Variants in COL4A5 observed in about 807,000 individuals in gnomAD.
The protein encoded by COL4A5 is collagen type IV alpha 5 chain, also known as collagen alpha-5(IV) chain.
COL4A5 carries 26 observed loss-of-function variants against 130.2 expected under a neutral mutation model. That is an observed-to-expected ratio of 0.20 (90% CI 0.15 to 0.28). The LOEUF is 0.28. Among genes scored for constraint, COL4A5 ranks in the 10% least tolerant of loss-of-function variants. COL4A5 has a pLI of 1.00. For synonymous variants in COL4A5, 496 were observed against 439.6 expected (o/e 1.13, Z -1.60); for missense variants, 1,131 against 1,344.3 (o/e 0.84, Z 2.48).
At chrX:108,629,696 G>A (rs2067217084) in intron 36 of COL4A5, among the ~76,000 whole-genome samples, 1 of 110,698 alleles carries the variant, frequency 9.0e-6, no homozygotes, top group Admixed American at 9.6e-5. Flanking sequence ...TAAGTTCCAG[G>A]GTACATGTGC....
intron 1 of COL4A5, among the ~76,000 whole-genome samples, chrX:108,516,028 C>T (rs1347066712): frequency 8.9e-6 from 1 of 111,972 alleles, no homozygotes; most frequent in East Asian, 2.8e-4. Flanking sequence ...GGTAGCAGAG[C>T]TTCTTCTTTG....
Position 108,696,375 on chromosome X carries a change from A to G in COL4A5, c.5073A>G (p.Thr1691=). 2.5e-6 allele frequency: 3 copies of G among 1,199,363 alleles called. No individual in the cohort carries two copies. Among genetic ancestry groups the G allele is most frequent in the African/African-American group, 1.7e-5 (1 of 57,601 alleles). ...ISRCQVCMKR[T] Reference sequence around the variant, plus strand: ...GATGTCAAGTGTGCATGAAGAGGACATAACATTTTGAAGAATTCCTTTTGT... The same window carrying G: ...GATGTCAAGTGTGCATGAAGAGGACGTAACATTTTGAAGAATTCCTTTTGT... The change falls in exon 53 of 53, where the codon ACA becomes ACG. Residue 1691 remains threonine (T), a synonymous_variant. Coordinates refer to ENST00000328300, the MANE Select transcript of COL4A5 (RefSeq NM_033380.3).
intron 1 of COL4A5, among the ~76,000 whole-genome samples, chrX:108,477,011 T>A (rs1162298409): frequency 1.8e-5 from 2 of 111,679 alleles, no homozygotes; most frequent in Non-Finnish European, 3.8e-5. Context: ...GAGAAAGATG[T>A]AGGCTGGGAG....
At chrX:108,692,115 G>T (rs2068647845) in intron 49 of COL4A5, among the ~76,000 whole-genome samples, 1 of 112,032 alleles carries the variant, frequency 8.9e-6, no homozygotes, top group Non-Finnish European at 1.9e-5. Flanking sequence ...GAGTAAATGA[G>T]AAAAGAAAGG....
chrX:108,622,905 A>T, intron 33 of COL4A5, 80 bp downstream of exon 33: 1 of 953,858 alleles, frequency 1.0e-6, no homozygotes, highest in Admixed American at 2.9e-5. Flanking sequence ...AAAGTGACTT[A>T]TAATACAGAA....
At chrX:108,494,298 T>C (rs2065016683) in intron 1 of COL4A5, among the ~76,000 whole-genome samples, 1 of 111,275 alleles carries the variant, frequency 9.0e-6, no homozygotes. Flanking sequence ...GATTTTCTTG[T>C]AGGTCAGCAT....
chrX:108,618,617 A>G (rs1243377797), intron 30 of COL4A5, among the ~76,000 whole-genome samples: 1 of 111,807 alleles, frequency 8.9e-6, no homozygotes, highest in Non-Finnish European at 1.9e-5. Flanking sequence ...AATGCCTAAA[A>G]TAAGTTTTTT....
Position 108,668,517 on chromosome X carries a change from G to A in COL4A5, c.3790+13G>A, listed in dbSNP as rs1331493023. The A allele has an allele frequency of 2.6e-6, 3 of 1,141,382 alleles. No individual in the cohort carries two copies. The highest frequency in any genetic ancestry group is 3.5e-6 in the Non-Finnish European group (3 of 860,016). 94.1% of individuals were successfully genotyped at this position (1,141,382 alleles called of 1,213,427 possible). ...CCTGGGAGACCAGGTATGTCCGTGA[G>A]TGGTAGGAGAATGGTCTATTTATTA... On this transcript the variant is annotated intron_variant, in intron 41 of 52. Coordinates refer to ENST00000328300, the MANE Select transcript of COL4A5 (RefSeq NM_033380.3).
In COL4A5 at chrX:108,692,839, C is replaced by T; in HGVS notation, c.4620C>T (p.Asp1540=). 1 of 1,211,006 alleles carries T rather than the reference C, an allele frequency of 8.3e-7. No individual in the cohort carries two copies. Among genetic ancestry groups the T allele is most frequent in the Non-Finnish European group, 1.1e-6 (1 of 894,905 alleles). ...NNVCNFASRN[D]YSYWLSTPEP... is the part of the protein sequence containing the mutation. ...TTTGCAACTTTGCTTCAAGAAATGA[C>T]TATTCTTACTGGCTCTCTACCCCAG... is the stretch of plus-strand genomic sequence containing the variant. Residue 1540 remains aspartate (D), a synonymous_variant, in exon 50 of 53, where the codon GAC becomes GAT. Coordinates refer to ENST00000328300, the MANE Select transcript of COL4A5 (RefSeq NM_033380.3).
intron 1 of COL4A5, among the ~76,000 whole-genome samples, chrX:108,529,860 C>T (rs753872846): frequency 1.4e-4 from 15 of 110,358 alleles, no homozygotes; most frequent in East Asian, 2.8e-4. Flanking sequence ...CAAGAAGATA[C>T]GACAACTCCA....
chrX:108,494,192 A>G (rs752477218), intron 1 of COL4A5, among the ~76,000 whole-genome samples: 4 of 111,591 alleles, frequency 3.6e-5, no homozygotes, highest in Non-Finnish European at 7.6e-5. Flanking sequence ...CAGATCTAGC[A>G]TTATTGAGAC....
chrX:108,584,347 A>T, intron 17 of COL4A5, 137 bp from the exon 18 acceptor site: 8 of 538,073 alleles, frequency 1.5e-5, no homozygotes, highest in Non-Finnish European at 2.2e-5. Context: ...TTGTTTCATT[A>T]CTTCATGTTG....
At chrX:108,459,539 C>T (rs531437094) in intron 1 of COL4A5, among the ~76,000 whole-genome samples, 56 of 112,185 alleles carry the variant, frequency 5.0e-4, no homozygotes, top group Non-Finnish European at 9.8e-4. Flanking sequence ...CATTTTTGAA[C>T]GTATTTGCAC....
At chrX:108,511,716 T>C (rs1010285489) in intron 1 of COL4A5, among the ~76,000 whole-genome samples, 1 of 112,055 alleles carries the variant, frequency 8.9e-6, no homozygotes, top group Non-Finnish European at 1.9e-5. Context: ...AAAGAAAATA[T>C]TCTTCAACAA....
chrX:108,590,324 G>A (rs888334447), intron 19 of COL4A5, among the ~76,000 whole-genome samples: 3 of 111,068 alleles, frequency 2.7e-5, no homozygotes, highest in Non-Finnish European at 5.7e-5. Flanking sequence ...CTTCACAATA[G>A]TAATAGTATT....
At chrX:108,674,820 A>AAATGCAAT in intron 43 of COL4A5, 67 bp downstream of exon 43, 1 of 1,086,938 alleles carries the variant, frequency 9.2e-7, no homozygotes, top group Non-Finnish European at 1.2e-6. Flanking sequence ...GTGATAAGAG[A>AAATGCAAT]AATGCAATTT....
Position 108,578,244 on chromosome X carries a change from T to C in COL4A5, c.688-47T>C, listed in dbSNP as rs182209791. On this transcript the variant is annotated intron_variant, in intron 12 of 52. Transcript: ENST00000328300. The stretch of plus-strand genomic sequence containing the variant: ...ATCTTACATGTTATATTACTGTCTG[T>C]GGAGATTATGAAGTATCACCACTGT... 78 of 1,135,613 alleles carry C rather than the reference T, an allele frequency of 6.9e-5. 1 individual carries two copies. The African/African-American group carries it at 1.3e-3, about 19-fold the overall frequency. 93.6% of individuals were successfully genotyped at this position (1,135,613 alleles called of 1,213,427 possible).
At chrX:108,556,309 T>A (rs772886308) in intron 2 of COL4A5, among the ~76,000 whole-genome samples, 24 of 111,823 alleles carry the variant, frequency 2.1e-4, no homozygotes, top group African/African-American at 6.8e-4. Flanking sequence ...AAACACTAAA[T>A]ACATGTTAGC....
intron 37 of COL4A5, among the ~76,000 whole-genome samples, chrX:108,661,881 G>A (rs1022753954): frequency 9.1e-6 from 1 of 109,346 alleles, no homozygotes; most frequent in Non-Finnish European, 1.9e-5. Context: ...GGTTTTCTGG[G>A]GTAATTTTAT....
Sources: gnomAD v4.1 joint callset for allele counts (sites outside exome capture counted in the v4.1 genomes callset) on GRCh38, gnomAD v4.1.1 for gene constraint, MANE v1.5 for transcripts, NCBI Gene and HGNC (gene_info 2026-07-23, HGNC 2026-07-21) for gene names.